Variants in IL7 observed in about 807,000 individuals in gnomAD.
IL7 encodes interleukin-7.
IL7 carries 3 observed loss-of-function variants against 21.6 expected under a neutral mutation model. That is an observed-to-expected ratio of 0.14 (90% CI 0.06 to 0.36). The LOEUF is 0.36. Among genes scored for constraint, IL7 ranks in the 10% least tolerant of loss-of-function variants. The pLI is 1.00. For synonymous variants in IL7, 62 were observed against 68.1 expected (o/e 0.91, Z 0.44); for missense variants, 175 against 200.2 (o/e 0.87, Z 0.76).
intron 3 of IL7, among the ~76,000 whole-genome samples, chr8:78,708,926 A>C (rs934670049): frequency 6.6e-6 from 1 of 152,140 alleles, no homozygotes; most frequent in Non-Finnish European, 1.5e-5. Flanking sequence ...TCGGTTTCCC[A>C]AATTGCTGGG....
At chr8:78,736,891 C>T (rs1372824606) in intron 4 of IL7, among the ~76,000 whole-genome samples, 2 of 151,924 alleles carry the variant, frequency 1.3e-5, no homozygotes, top group African/African-American at 4.8e-5. Context: ...TAAATCCTGG[C>T]CATACATTTT....
At chr8:78,718,832 C>T (rs908573470) in intron 6 of IL7, 1 of 151,474 alleles carries the variant, frequency 6.6e-6, no homozygotes, top group African/African-American at 2.4e-5. Flanking sequence ...TTTGATCTTA[C>T]TGTAAAGGTA....
intron 3 of IL7, among the ~76,000 whole-genome samples, chr8:78,710,688 C>T (rs1201830764): frequency 6.6e-6 from 1 of 151,882 alleles, no homozygotes; most frequent in Non-Finnish European, 1.5e-5. Flanking sequence ...AGAATAAAAT[C>T]TGAATGTTTA....
chr8:78,770,239 G>T lies in IL7; in HGVS notation c.147+27833C>A, dbSNP rs112309041. ...GCAGTACCCTTGCTGGCCTATCTGT[G>T]TCTTTATTATTCTTGGTACATTCAA... On this transcript the variant is annotated intron_variant, in intron 2 of 5. Coordinates refer to ENST00000263851, the MANE Select transcript of IL7 (RefSeq NM_000880.4). 3.4e-3 allele frequency among the ~76,000 whole-genome samples: 521 copies of T among 152,196 alleles called. 3 individuals carry two copies. Among genetic ancestry groups the T allele is most frequent in the African/African-American group, 0.012 (487 of 41,532 alleles).
chr8:78,767,778 A>C (rs1251056526), intron 2 of IL7, among the ~76,000 whole-genome samples: 1 of 150,176 alleles, frequency 6.7e-6, no homozygotes, highest in Non-Finnish European at 1.5e-5. Flanking sequence ...TTTTTATTTT[A>C]TTATTATTAT....
chr8:78,771,173 C>CG (rs557444028), intron 2 of IL7, among the ~76,000 whole-genome samples: 232 of 139,424 alleles, frequency 1.7e-3, no homozygotes, highest in African/African-American at 5.2e-3. Flanking sequence ...AACCTCCCAA[C>CG]GCAATAGACA....
Position 78,798,174 on chromosome 8 carries a change from C to T in IL7, c.45G>A (p.Leu15=). 1.2e-6 allele frequency: 2 copies of T among 1,611,530 alleles called. No homozygotes were observed. The highest frequency in any genetic ancestry group is 1.7e-6 in the Non-Finnish European group (2 of 1,178,078). ...ATGCTACTGGCAACAGAACAAGGATCAGGGGAGGAAGTCCAAAGATATACC... is the reference window on the plus strand; with the variant it reads ...ATGCTACTGGCAACAGAACAAGGATTAGGGGAGGAAGTCCAAAGATATACC... ...SFRYIFGLPP[L]ILVLLPVASS... The change falls in exon 2 of 6, where the codon CTG becomes CTA. Residue 15 remains leucine, a synonymous_variant. Coordinates refer to ENST00000263851, the MANE Select transcript of IL7 (RefSeq NM_000880.4).
At chr8:78,690,263 A>G (rs1460585393) in intron 3 of IL7, among the ~76,000 whole-genome samples, 1 of 152,214 alleles carries the variant, frequency 6.6e-6, no homozygotes, top group Non-Finnish European at 1.5e-5. Context: ...AATTCCTTTT[A>G]AAATTTTCTT....
downstream of IL7, among the ~76,000 whole-genome samples, chr8:78,715,671 A>T (rs1027952063): frequency 6.6e-6 from 1 of 152,178 alleles, no homozygotes; most frequent in African/African-American, 2.4e-5. Context: ...CAGATGTACT[A>T]GCAAAATAGC....
chr8:78,746,793 C>T, intron 2 of IL7: 1 of 334,944 alleles, frequency 3.0e-6, no homozygotes, highest in South Asian at 2.4e-5. Flanking sequence ...GTAGCAAAAA[C>T]TGACTGATAG....
rs1231269986 is a variant in IL7, at chr8:78,698,367, T to C, written n.215-12420A>G. 42 of 1,474,706 alleles carry C rather than the reference T, an allele frequency of 2.8e-5. 1 individual carries two copies. In the East Asian group the frequency reaches 9.8e-4, roughly 35 times the overall value. 91.4% of individuals were successfully genotyped at this position (1,474,706 alleles called of 1,614,324 possible). On this transcript the variant is annotated intron_variant and non_coding_transcript_variant, in intron 3 of 4. Transcript: ENST00000523959. ...CCTTTGTTAGATGCTCTGTTTTATG[T>C]AACCTTTTTTAGAGTATTGTTAAAA...
At position 78,780,333 on chromosome 8, in the gene IL7, C is replaced by A. The variant is rs1813287333; in HGVS notation, c.147+17739G>T. 1.3e-5 allele frequency among the ~76,000 whole-genome samples: 2 copies of A among 151,406 alleles called. 1 individual carries two copies. The highest frequency in any genetic ancestry group is 4.1e-4 in the South Asian group (2 of 4,832). On this transcript the variant is annotated intron_variant, in intron 2 of 5. Coordinates refer to ENST00000263851, the MANE Select transcript of IL7 (RefSeq NM_000880.4). ...TTTCATTGTGATGTTAGGATGTTGA[C>A]TAGAGATCTTTCTAGCTTTTTAATG...
rs760385266 is a variant in IL7 at position 78,805,228 on chromosome 8, C to G, written c.-306G>C. The G allele has an allele frequency of 6.0e-6, 2 of 333,090 alleles. No homozygotes were observed. The highest frequency in any genetic ancestry group is 1.1e-5 in the Non-Finnish European group (2 of 181,958). 20.6% of individuals were successfully genotyped at this position (333,090 alleles called of 1,614,324 possible). On this transcript the variant is annotated 5_prime_UTR_variant, in exon 1 of 6. An upstream start codon of the reference 5' UTR is lost. Coordinates refer to ENST00000263851, the MANE Select transcript of IL7 (RefSeq NM_000880.4). ...GGTCTGCAGGTTCAATCTTTGGGAT[C>G]ATCAGCATGGAATCTTCATTATCCC...
intron 3 of IL7, among the ~76,000 whole-genome samples, chr8:78,705,394 G>A (rs1810740203): frequency 6.6e-6 from 1 of 152,160 alleles, no homozygotes; most frequent in Non-Finnish European, 1.5e-5. Context: ...TTCAGTAGCT[G>A]GAGGTGTCAC....
chr8:78,785,478 G>A (rs1043187854), intron 2 of IL7, among the ~76,000 whole-genome samples: 3 of 152,014 alleles, frequency 2.0e-5, no homozygotes, highest in African/African-American at 4.8e-5. Flanking sequence ...TAAAATGGAG[G>A]GAGTGCATAA....
At position 78,733,669 on chromosome 8, in the gene IL7, G is replaced by T; in HGVS notation, c.*44C>A. 1 of 1,578,472 alleles carries T rather than the reference G, an allele frequency of 6.3e-7. No homozygotes were observed. Among genetic ancestry groups the T allele is most frequent in the Non-Finnish European group, 8.6e-7 (1 of 1,164,092 alleles). On this transcript the variant is annotated 3_prime_UTR_variant, in exon 6 of 6. Coordinates refer to ENST00000263851, the MANE Select transcript of IL7 (RefSeq NM_000880.4). ...TGCATAAGCAGATAGATTCTTGGAG[G>T]ATGCAGCTAAAGTTCGTGTTTCTAT... is the stretch of plus-strand genomic sequence containing the variant.
downstream of IL7, among the ~76,000 whole-genome samples, chr8:78,730,549 C>A (rs1305158758): frequency 1.3e-5 from 2 of 151,802 alleles, no homozygotes; most frequent in Non-Finnish European, 2.9e-5. Flanking sequence ...CAAAGTTGGG[C>A]CATATTGTCC....
At chr8:78,796,078 G>A (rs924876227) in intron 2 of IL7, among the ~76,000 whole-genome samples, 1 of 151,984 alleles carries the variant, frequency 6.6e-6, no homozygotes, top group African/African-American at 2.4e-5. Flanking sequence ...CTAATTATCT[G>A]TTAAAACAAT....
intron 2 of IL7, among the ~76,000 whole-genome samples, chr8:78,782,794 C>T (rs991427668): frequency 6.6e-6 from 1 of 152,074 alleles, no homozygotes; most frequent in Non-Finnish European, 1.5e-5. Context: ...AAGACTAAGT[C>T]TGCTGATCCA....
Sources: gnomAD v4.1 joint callset for allele counts (sites outside exome capture counted in the v4.1 genomes callset) on GRCh38, gnomAD v4.1.1 for gene constraint, MANE v1.5 for transcripts, NCBI Gene and HGNC (gene_info 2026-07-23, HGNC 2026-07-21) for gene names.